SRCIN1: variants seen among roughly 807,000 people sequenced by gnomAD.
The protein encoded by SRCIN1 is P130Cas-associated protein.
In SRCIN1, 50 loss-of-function variants were observed where a neutral mutation model predicts 116.2. The observed-to-expected ratio is 0.43, with a 90% CI of 0.34 to 0.54. The LOEUF is 0.54. Among genes scored for constraint, SRCIN1 ranks in the 20% least tolerant of loss-of-function variants. SRCIN1 has a pLI of 0.02. For synonymous variants in SRCIN1, 736 were observed against 750.0 expected, an observed-to-expected ratio of 0.98 and a Z score of 0.30; for missense variants, 1,446 against 1,672.0, an observed-to-expected ratio of 0.86 and a Z score of 2.36.
chr17:38,585,979 A>C lies in SRCIN1; in HGVS notation c.23-7188T>G, dbSNP rs895238354. Among the ~76,000 whole-genome samples, 2 of 151,772 alleles carry C rather than the reference A, an allele frequency of 1.3e-5. No individual in the cohort carries two copies. The highest frequency in any genetic ancestry group is 4.8e-5 in the African/African-American group (2 of 41,306). On this transcript the variant is annotated intron_variant, in intron 1 of 18. Transcript: ENST00000617146. This position sits in a 1 kb window ranked among gnomAD's most constrained non-coding sequence, Gnocchi z 4.2. ...CCCCACTCCCTGCCAGCCCAGCCCCACCCCCTGAATGTCAGGCTCCACTTC... is the reference window on the plus strand; with the variant it reads ...CCCCACTCCCTGCCAGCCCAGCCCCCCCCCCTGAATGTCAGGCTCCACTTC...
chr17:38,566,294 C>T (rs369651224), intron 3 of SRCIN1, among the ~76,000 whole-genome samples: 9 of 152,260 alleles, frequency 5.9e-5, no homozygotes, highest in African/African-American at 2.2e-4. Context: ...GCCCACGTTC[C>T]CTGCTCCACC....
chr17:38,533,940 G>C (rs1179573890), intron 18 of SRCIN1, among the ~76,000 whole-genome samples: 1 of 151,950 alleles, frequency 6.6e-6, no homozygotes, highest in South Asian at 2.1e-4. Flanking sequence ...TATCCTCCCA[G>C]GGGGGAATAA....
chr17:38,541,306 T>C (rs972689457), intron 18 of SRCIN1: 5 of 151,352 alleles, frequency 3.3e-5, no homozygotes, highest in African/African-American at 4.9e-5. Context: ...TTTATTACTT[T>C]ACAAGAAAGA....
Position 38,605,859 on chromosome 17 carries a change from G to T in SRCIN1, c.-154C>A. ...GGCCCCGCCGGGGTGGACCAGCTGG[G>T]AGGGCGCCGGCGGCCGGGCGTGTGG... is the stretch of plus-strand genomic sequence containing the variant. On this transcript the variant is annotated 5_prime_UTR_variant, in exon 1 of 19. Coordinates refer to ENST00000617146, the MANE Select transcript of SRCIN1 (RefSeq NM_025248.3). 6.4e-6 allele frequency: 1 copy of T among 156,868 alleles called. No homozygotes were observed. 9.7% of individuals were successfully genotyped at this position (156,868 alleles called of 1,614,324 possible).
chr17:38,553,251 T>C (rs1202338884), intron 11 of SRCIN1, among the ~76,000 whole-genome samples: 2 of 152,140 alleles, frequency 1.3e-5, no homozygotes, highest in Non-Finnish European at 2.9e-5. Flanking sequence ...AGGGAGACCT[T>C]GTCTCAAAAG....
chr17:38,579,440 T>C (rs1907646234), intron 1 of SRCIN1, among the ~76,000 whole-genome samples: 1 of 152,138 alleles, frequency 6.6e-6, no homozygotes, highest in Non-Finnish European at 1.5e-5. Context: ...TGGGACCCCT[T>C]TTCCCTTCCC....
At chr17:38,605,531 T>TG (rs1909310958) in intron 1 of SRCIN1, among the ~76,000 whole-genome samples, 153 bp downstream of exon 1, 1 of 148,038 alleles carries the variant, frequency 6.8e-6, no homozygotes, top group Admixed American at 6.7e-5. Flanking sequence ...CCCACACACC[T>TG]GCGCCCCAGC....
chr17:38,530,686 T>C lies in SRCIN1; in HGVS notation c.*2611A>G, dbSNP rs528545463. 5.9e-5 allele frequency: 9 copies of C among 152,426 alleles called. No homozygotes were observed. Among genetic ancestry groups the C allele is most frequent in the African/African-American group, 1.7e-4 (7 of 41,562 alleles). 9.4% of individuals were successfully genotyped at this position (152,426 alleles called of 1,614,324 possible). ...GAGACACAGATTACATGCACCTCCA[T>C]GTATGCGTCTCTATCCACATGTACG... On this transcript the variant is annotated 3_prime_UTR_variant, in exon 19 of 19. Coordinates refer to ENST00000617146, the MANE Select transcript of SRCIN1 (RefSeq NM_025248.3).
intron 11 of SRCIN1, among the ~76,000 whole-genome samples, chr17:38,556,083 A>G (rs868068402): frequency 1.2e-4 from 19 of 152,338 alleles, no homozygotes; most frequent in Middle Eastern, 3.4e-3. Context: ...TAGACACTGG[A>G]TTAAAATGTG....
At chr17:38,539,257 A>G (rs1904579105) in intron 18 of SRCIN1, among the ~76,000 whole-genome samples, 1 of 151,834 alleles carries the variant, frequency 6.6e-6, no homozygotes, top group Admixed American at 6.5e-5. Flanking sequence ...TTGCCTCTCC[A>G]TACCCCGGAA....
rs754940444 is a variant in SRCIN1, at chr17:38,558,398, T to C, written c.2030A>G (p.Gln677Arg). The C allele has an allele frequency of 6.3e-7, 1 of 1,597,974 alleles. No homozygotes were observed. The highest frequency in any genetic ancestry group is 1.3e-5 in the African/African-American group (1 of 74,566). Reference sequence around the variant, plus strand: ...CAGCGCGCGCACCGACTCCTGGTTCTGTAGCTGCGGGACGCACGGACGGAT... The same window carrying C: ...CAGCGCGCGCACCGACTCCTGGTTCCGTAGCTGCGGGACGCACGGACGGAT... The part of the protein sequence containing the change: ...QLQQLRKLQL[Q>R]NQESVRALLK... Residue 677 changes from glutamine to arginine, a missense_variant, in exon 11 of 19, where the codon CAG becomes CGG. Gln to Arg is a conservative substitution (Grantham distance 43). This residue lies in a region of SRCIN1 where 398 missense variants were observed against 385.6 expected (regional missense o/e 1.03). Transcript: ENST00000617146. This position sits in a 1 kb window ranked among gnomAD's most constrained non-coding sequence, Gnocchi z 4.6.
At chr17:38,541,554 G>C (rs774821130) in intron 18 of SRCIN1, 3 of 152,830 alleles carry the variant, frequency 2.0e-5, no homozygotes, top group African/African-American at 4.8e-5. Context: ...AGACCTGGGT[G>C]GGGGCAGGGA....
Position 38,563,171 on chromosome 17 carries a change from G to A in SRCIN1, c.740+152C>T, listed in dbSNP as rs1489408727. Among the ~76,000 whole-genome samples, 1 of 152,256 alleles carries A rather than the reference G, an allele frequency of 6.6e-6. No individual in the cohort carries two copies. The highest frequency in any genetic ancestry group is 3.4e-3 in the Middle Eastern group (1 of 294). ...TTAGGGGGTGGGGGCTGAGATGGCC[G>A]AGGAAGGGGGCGGGGCGGTAGGGCT... On this transcript the variant is annotated intron_variant, in intron 5 of 18. Transcript: ENST00000617146. This position sits in a 1 kb window ranked among gnomAD's most constrained non-coding sequence, Gnocchi z 5.8.
chr17:38,553,635 G>T (rs1199367473), intron 11 of SRCIN1, among the ~76,000 whole-genome samples: 2 of 152,114 alleles, frequency 1.3e-5, no homozygotes, highest in Non-Finnish European at 2.9e-5. Context: ...GCTACTATAT[G>T]CTGAACTTGT....
chr17:38,557,027 C>A (rs1905849533), intron 11 of SRCIN1, among the ~76,000 whole-genome samples: 1 of 149,556 alleles, frequency 6.7e-6, no homozygotes. Flanking sequence ...ATGACACCTG[C>A]CAGTCTGCTT....
rs1371861646 is a variant in SRCIN1 at position 38,549,517 on chromosome 17, C to T, written c.2963-307G>A. On this transcript the variant is annotated intron_variant, in intron 15 of 18. Coordinates refer to ENST00000617146, the MANE Select transcript of SRCIN1 (RefSeq NM_025248.3). ...CAGGCCCCACCTCTGGGCTGCTAAA[C>T]CAGGATCTGGTTGAACAGATCCTGA... 3.9e-5 allele frequency among the ~76,000 whole-genome samples: 6 copies of T among 152,178 alleles called. No individual in the cohort carries two copies. In the South Asian group the frequency reaches 1.2e-3, roughly 32 times the overall value.
At chr17:38,533,517 ACCT>A in intron 18 of SRCIN1, 86 bp from the exon 19 acceptor site, 1 of 1,112,366 alleles carries the variant, frequency 9.0e-7, no homozygotes, top group East Asian at 3.4e-5. Context: ...AAAGTGGAAA[ACCT>A]CCACAAATCC....
At chr17:38,571,208 ACATTCCCAGTCACTC>A (rs1329146816) in intron 2 of SRCIN1, among the ~76,000 whole-genome samples, 1 of 152,138 alleles carries the variant, frequency 6.6e-6, no homozygotes, top group Admixed American at 6.5e-5. Context: ...CTAAGGTGGG[ACATTCCCAGTCACTC>A]CCCTTCCAAC....
At chr17:38,603,603 G>A (rs1210194414) in intron 1 of SRCIN1, among the ~76,000 whole-genome samples, 8 of 152,208 alleles carry the variant, frequency 5.3e-5, no homozygotes, top group Admixed American at 5.2e-4. Context: ...AAGGGCAGAA[G>A]AAGCAGGAAT....
Sources: allele counts gnomAD v4.1 joint callset (sites outside exome capture counted in the v4.1 genomes callset), GRCh38; gene constraint gnomAD v4.1.1; regional missense constraint gnomAD v4.1.1; non-coding constraint Gnocchi (gnomAD v3.1); transcripts MANE v1.5; gene names NCBI Gene and HGNC (gene_info 2026-07-23, HGNC 2026-07-21).